The following FBXL7 variants were observed in gnomAD, a reference collection of about 807,000 sequenced individuals.
The protein encoded by FBXL7 is F-box and leucine rich repeat protein 7.
A neutral mutation model predicts 38.3 loss-of-function variants in FBXL7; 12 were observed. The ratio of observed to expected loss-of-function variants is 0.31; its 90% CI spans 0.20 to 0.51. The LOEUF (loss-of-function observed/expected upper bound fraction) is 0.51. Among genes scored for constraint, FBXL7 ranks in the 20% least tolerant of loss-of-function variants. The pLI, the probability that FBXL7 is intolerant of heterozygous loss-of-function variation, is 0.98. For missense variants in FBXL7, 567 were observed against 676.4 expected, an observed-to-expected ratio of 0.84 and a Z score of 1.79; for synonymous variants, 297 against 300.9, an observed-to-expected ratio of 0.99 and a Z score of 0.13.
chr5:15,501,747 A>G, intron 1 of FBXL7: 1 of 985,414 alleles, frequency 1.0e-6, no homozygotes. Context: ...CTCGTTTCTC[A>G]GCAGTTTTGT....
chr5:15,584,215 G>A (rs780493118), intron 1 of FBXL7, among the ~76,000 whole-genome samples: 4 of 152,146 alleles, frequency 2.6e-5, no homozygotes, highest in Non-Finnish European at 5.9e-5. Flanking sequence ...GGGAGGGACT[G>A]CGGTGAAAGT....
intron 1 of FBXL7, among the ~76,000 whole-genome samples, chr5:15,597,798 A>T (rs1234857774): frequency 6.6e-6 from 1 of 152,220 alleles, no homozygotes; most frequent in Non-Finnish European, 1.5e-5. Flanking sequence ...ATCAAGTCTC[A>T]GTACATCAAG....
intron 2 of FBXL7, among the ~76,000 whole-genome samples, chr5:15,749,541 G>A (rs1048835184): frequency 9.9e-5 from 15 of 151,426 alleles, no homozygotes; most frequent in Non-Finnish European, 1.9e-4. Flanking sequence ...GCAGGAGAAT[G>A]GCGTGAACCC....
chr5:15,683,034 G>A (rs1742899200), intron 2 of FBXL7, among the ~76,000 whole-genome samples: 2 of 152,182 alleles, frequency 1.3e-5, no homozygotes, highest in African/African-American at 4.8e-5. Flanking sequence ...GCTAAGGGAA[G>A]GTGGTACATA....
chr5:15,529,613 C>G (rs1737362495), intron 1 of FBXL7, among the ~76,000 whole-genome samples: 1 of 152,132 alleles, frequency 6.6e-6, no homozygotes, highest in Non-Finnish European at 1.5e-5. Flanking sequence ...TGGTCGCGAT[C>G]TCCTGACCTC....
At chr5:15,904,509 T>G (rs1308681076) in intron 2 of FBXL7, among the ~76,000 whole-genome samples, 1 of 152,174 alleles carries the variant, frequency 6.6e-6, no homozygotes, top group African/African-American at 2.4e-5. Context: ...TTTACACAAT[T>G]CGAATCATAA....
chr5:15,847,277 G>A (rs1161675708), intron 2 of FBXL7, among the ~76,000 whole-genome samples: 2 of 152,184 alleles, frequency 1.3e-5, no homozygotes, highest in African/African-American at 4.8e-5. Flanking sequence ...GGTGGAAGGG[G>A]AAGCAAACAC....
intron 1 of FBXL7, among the ~76,000 whole-genome samples, chr5:15,610,863 G>T (rs1041910885): frequency 6.6e-6 from 1 of 152,054 alleles, no homozygotes; most frequent in Non-Finnish European, 1.5e-5. Flanking sequence ...GGCAGGAATT[G>T]ACCCTCCACC....
intron 1 of FBXL7, among the ~76,000 whole-genome samples, chr5:15,520,785 A>G (rs1737074597): frequency 6.6e-6 from 1 of 152,242 alleles, no homozygotes; most frequent in African/African-American, 2.4e-5. Context: ...GAAATACAAT[A>G]TCCTTCTGCA....
At chr5:15,561,489 A>G (rs1355806179) in intron 1 of FBXL7, among the ~76,000 whole-genome samples, 1 of 152,196 alleles carries the variant, frequency 6.6e-6, no homozygotes, top group African/African-American at 2.4e-5. Flanking sequence ...TTGTTTCCAT[A>G]TCTTGGCTAT....
intron 2 of FBXL7, among the ~76,000 whole-genome samples, chr5:15,890,306 C>T (rs894453095): frequency 3.3e-5 from 5 of 151,890 alleles, no homozygotes; most frequent in African/African-American, 9.7e-5. Context: ...CAGGCTGGAT[C>T]GCAGCACAAT....
chr5:15,653,390 T>C (rs1358332747), intron 2 of FBXL7, among the ~76,000 whole-genome samples: 2 of 152,164 alleles, frequency 1.3e-5, no homozygotes, highest in Admixed American at 6.5e-5. Flanking sequence ...TGTGGAAGTT[T>C]CTACTATTAC....
intron 2 of FBXL7, among the ~76,000 whole-genome samples, chr5:15,792,174 C>G (rs191788224): frequency 6.6e-6 from 1 of 152,136 alleles, no homozygotes; most frequent in Non-Finnish European, 1.5e-5. Flanking sequence ...CACCTGACAT[C>G]GTAGCTGTCA....
At chr5:15,678,194 C>G (rs1742724177) in intron 2 of FBXL7, among the ~76,000 whole-genome samples, 1 of 152,006 alleles carries the variant, frequency 6.6e-6, no homozygotes, top group African/African-American at 2.4e-5. Context: ...GTGAAACCTC[C>G]AAAGCAAACA....
At chr5:15,521,711 A>C (rs1737100065) in intron 1 of FBXL7, among the ~76,000 whole-genome samples, 1 of 152,226 alleles carries the variant, frequency 6.6e-6, no homozygotes, top group African/African-American at 2.4e-5. Flanking sequence ...CGTGAAGATG[A>C]GTAAGTGCAG....
At chr5:15,580,201 AT>A (rs1739091747) in intron 1 of FBXL7, among the ~76,000 whole-genome samples, 1 of 152,158 alleles carries the variant, frequency 6.6e-6, no homozygotes, top group African/African-American at 2.4e-5. Flanking sequence ...CAGCAAGAAG[AT>A]GGGCCTCTGT....
At chr5:15,620,178 T>A (rs1740580894) in intron 2 of FBXL7, among the ~76,000 whole-genome samples, 1 of 152,076 alleles carries the variant, frequency 6.6e-6, no homozygotes. Context: ...AGCTACCACT[T>A]CTGCATGATC....
intron 2 of FBXL7, among the ~76,000 whole-genome samples, chr5:15,636,140 T>A (rs1284966211): frequency 6.6e-6 from 1 of 152,122 alleles, no homozygotes; most frequent in Non-Finnish European, 1.5e-5. Context: ...TTGTTCCATT[T>A]TATAAAATAT....
chr5:15,611,521 A>T (rs2126511020), intron 1 of FBXL7, among the ~76,000 whole-genome samples: 1 of 152,258 alleles, frequency 6.6e-6, no homozygotes, highest in South Asian at 2.1e-4. Context: ...TGTATTAAAT[A>T]AGATGTCTTT....
Sources: gnomAD v4.1 joint callset for allele counts (sites outside exome capture counted in the v4.1 genomes callset) on GRCh38, gnomAD v4.1.1 for gene constraint, MANE v1.5 for transcripts, NCBI Gene and HGNC (gene_info 2026-07-23, HGNC 2026-07-21) for gene names.